Variants in NPHP1 observed in about 807,000 individuals in gnomAD.
NPHP1 encodes the protein nephrocystin-1.
A neutral mutation model predicts 90.4 loss-of-function variants in NPHP1; 70 were observed. That is an observed-to-expected ratio of 0.77 (90% CI 0.64 to 0.95). The LOEUF is 0.95. NPHP1 is among the 40% of genes least tolerant of loss of function. The pLI, the probability that NPHP1 is intolerant of heterozygous loss-of-function variation, is 0.00. For synonymous variants in NPHP1, 256 were observed against 271.7 expected, an observed-to-expected ratio of 0.94 and a Z score of 0.57; for missense variants, 764 against 795.9, an observed-to-expected ratio of 0.96 and a Z score of 0.48.
intron 11 of NPHP1, 105 bp downstream of exon 11, chr2:110,160,022 A>C: frequency 7.7e-7 from 1 of 1,304,046 alleles, no homozygotes; most frequent in East Asian, 2.3e-5. Flanking sequence ...GTACTAGGTA[A>C]AAAATACTCT....
chr2:110,148,591 A>C lies in NPHP1; in HGVS notation c.1159-565T>G, dbSNP rs757153141. Among the ~76,000 whole-genome samples the C allele has an allele frequency of 2.6e-5, 4 of 152,298 alleles. No individual in the cohort carries two copies. In the South Asian group the frequency reaches 6.2e-4, roughly 24 times the overall value. ...TGGACTGAATTCATCAATGCCAATGATTACAAATTTTAAAAATTTAACTTC... is the reference window on the plus strand; with the variant it reads ...TGGACTGAATTCATCAATGCCAATGCTTACAAATTTTAAAAATTTAACTTC... On this transcript the variant is annotated intron_variant, in intron 12 of 19. Coordinates refer to ENST00000445609, the MANE Select transcript of NPHP1 (RefSeq NM_001128178.3).
chr2:110,124,996 T>C (rs966006546), intron 19 of NPHP1: 1 of 459,612 alleles, frequency 2.2e-6, no homozygotes, highest in Non-Finnish European at 3.7e-6. Context: ...TCACCTCTTT[T>C]CATAAATAAA....
intron 2 of NPHP1, among the ~76,000 whole-genome samples, chr2:110,182,968 A>G (rs1684009233): frequency 1.3e-5 from 2 of 152,144 alleles, no homozygotes; most frequent in Non-Finnish European, 2.9e-5. Context: ...AGCAAATGGA[A>G]AACAGAAAAA....
chr2:110,126,368 G>C (rs574430900), intron 18 of NPHP1: 1 of 152,744 alleles, frequency 6.5e-6, no homozygotes, highest in African/African-American at 2.4e-5. Context: ...TAACCTGAAA[G>C]CATCAGACCT....
intron 2 of NPHP1, among the ~76,000 whole-genome samples, chr2:110,195,507 A>G (rs1238317549): frequency 6.6e-6 from 1 of 152,182 alleles, no homozygotes; most frequent in African/African-American, 2.4e-5. Context: ...ATAAAAGAGG[A>G]TACAAACAAA....
chr2:110,155,584 C>G (rs113766754), intron 11 of NPHP1, among the ~76,000 whole-genome samples: 1 of 152,318 alleles, frequency 6.6e-6, no homozygotes, highest in Non-Finnish European at 1.5e-5. Context: ...GAACCCACCT[C>G]TTACATCAGC....
chr2:110,180,535 T>C (rs1462056287), intron 2 of NPHP1, among the ~76,000 whole-genome samples: 2 of 140,360 alleles, frequency 1.4e-5, no homozygotes, highest in Non-Finnish European at 3.0e-5. Flanking sequence ...TGATCCAAGA[T>C]GGCCAATTAG....
At chr2:110,156,610 G>A (rs983074591) in intron 11 of NPHP1, among the ~76,000 whole-genome samples, 1 of 152,058 alleles carries the variant, frequency 6.6e-6, no homozygotes, top group African/African-American at 2.4e-5. Context: ...TGAATGCTCT[G>A]CAGTGCCTTC....
chr2:110,137,510 C>T (rs1395642887), intron 16 of NPHP1, among the ~76,000 whole-genome samples: 3 of 151,966 alleles, frequency 2.0e-5, no homozygotes, highest in Non-Finnish European at 2.9e-5. Context: ...AAAAAGTGGG[C>T]GAAGGATATG....
chr2:110,137,827 A>G (rs1285168692), intron 16 of NPHP1, among the ~76,000 whole-genome samples: 1 of 151,252 alleles, frequency 6.6e-6, no homozygotes. Flanking sequence ...ATTACTGGGT[A>G]TATACCCAAA....
intron 18 of NPHP1, 137 bp downstream of exon 18, chr2:110,129,049 G>C (rs1445598425): frequency 4.3e-6 from 3 of 699,774 alleles, no homozygotes; most frequent in Non-Finnish European, 2.6e-6. Flanking sequence ...TGAGGACTGA[G>C]TTACCTAGAC....
At chr2:110,140,876 C>T (rs1368999680) in intron 16 of NPHP1, among the ~76,000 whole-genome samples, 1 of 152,082 alleles carries the variant, frequency 6.6e-6, no homozygotes, top group Admixed American at 6.6e-5. Context: ...ACTGTTAACA[C>T]TATAATTATA....
rs2104415633 is a variant in NPHP1 at position 110,125,668 on chromosome 2, C to T, written c.1730G>A (p.Gly577Glu). 1.2e-6 allele frequency: 2 copies of T among 1,613,286 alleles called. No homozygotes were observed. Among genetic ancestry groups the T allele is most frequent in the Non-Finnish European group, 1.7e-6 (2 of 1,179,484 alleles). The change falls in exon 19 of 20, where the codon GGA becomes GAA. Residue 577 changes from glycine (G) to glutamate (E), a missense_variant. Physicochemically the swap from Gly to Glu is moderately conservative, Grantham distance 98 (BLOSUM62 -2). Coordinates refer to ENST00000445609, the MANE Select transcript of NPHP1 (RefSeq NM_001128178.3). ...TGATCTTTTTAATGTGCTTTCTTTT[C>T]CAGCCCACGAACTCTAAAGAGCAAA... ...VMDALRSSWAGKESTLKRSEK... is the reference protein window; with the variant it reads ...VMDALRSSWAEKESTLKRSEK...
At chr2:110,131,652 C>T (rs896234971) in intron 17 of NPHP1, 27 bp downstream of exon 17, 16 of 1,312,336 alleles carry the variant, frequency 1.2e-5, no homozygotes, top group East Asian at 2.3e-5. Context: ...CATTACTGCA[C>T]ATAAGGAAGT....
chr2:110,138,684 C>A (rs1680399338), intron 16 of NPHP1, among the ~76,000 whole-genome samples: 1 of 151,844 alleles, frequency 6.6e-6, no homozygotes, highest in African/African-American at 2.4e-5. Context: ...CATGTTCTGC[C>A]CTTTGGTCCA....
chr2:110,160,730 A>G (rs989004722), intron 10 of NPHP1, among the ~76,000 whole-genome samples: 2 of 152,196 alleles, frequency 1.3e-5, no homozygotes, highest in Admixed American at 6.5e-5. Context: ...GCACTATCTG[A>G]TATATTTATT....
Position 110,178,524 on chromosome 2 carries a change from T to C in NPHP1, c.228A>G (p.Ala76=). Residue 76 remains alanine (A), a synonymous_variant, in exon 4 of 20, where the codon GCA becomes GCG. Coordinates refer to ENST00000445609, the MANE Select transcript of NPHP1 (RefSeq NM_001128178.3). ...CCTCTTCTTTTCTCTGATTATAGTTTGCAACAGGTGCAGATTCATCAGCCT... is the reference window on the plus strand; with the variant it reads ...CCTCTTCTTTTCTCTGATTATAGTTCGCAACAGGTGCAGATTCATCAGCCT... The part of the protein sequence containing the change: ...LSKADESAPV[A]NYNQRKEEEH... 6.2e-7 allele frequency: 1 copy of C among 1,613,772 alleles called. No homozygotes were observed.
chr2:110,127,956 TATG>T (rs1045297829), intron 18 of NPHP1: 1 of 152,154 alleles, frequency 6.6e-6, no homozygotes, highest in African/African-American at 2.4e-5. Flanking sequence ...GAATAATTAT[TATG>T]ATACTAGTGA....
chr2:110,181,464 C>T (rs1034495723), intron 2 of NPHP1, among the ~76,000 whole-genome samples: 10 of 152,112 alleles, frequency 6.6e-5, no homozygotes, highest in African/African-American at 1.7e-4. Context: ...TGTTTTGCAG[C>T]CTTCACTGGT....
Sources: gnomAD v4.1 joint callset for allele counts (sites outside exome capture counted in the v4.1 genomes callset) on GRCh38, gnomAD v4.1.1 for gene constraint, MANE v1.5 for transcripts, NCBI Gene and HGNC (gene_info 2026-07-23, HGNC 2026-07-21) for gene names.